Variants in JAKMIP2 observed in about 807,000 individuals in gnomAD.
The protein encoded by JAKMIP2 is janus kinase and microtubule-interacting protein 2.
JAKMIP2 carries 25 observed loss-of-function variants against 115.0 expected under a neutral mutation model. That is an observed-to-expected ratio of 0.22 (90% confidence interval 0.16 to 0.30). JAKMIP2 has a LOEUF of 0.30. Ranked by LOEUF, JAKMIP2 falls within the 10% of genes least tolerant of loss-of-function variation. The probability of loss-of-function intolerance (pLI) is 1.00; values close to 1 mark genes in which losing one functional copy is unlikely to be tolerated. For missense variants in JAKMIP2, 642 were observed against 957.6 expected, an observed-to-expected ratio of 0.67 and a Z score of 4.35; for synonymous variants, 334 against 343.6, an observed-to-expected ratio of 0.97 and a Z score of 0.31.
chr5:147,746,961 G>T (rs1382312786), intron 1 of JAKMIP2, among the ~76,000 whole-genome samples: 2 of 152,134 alleles, frequency 1.3e-5, no homozygotes, highest in Non-Finnish European at 2.9e-5. Context: ...TTTAAGGCAG[G>T]AGAGTGAATT....
In JAKMIP2 at chr5:147,725,147, C is replaced by T. The variant is rs117396718; in HGVS notation, c.-148-53193G>A. ...TTAGGATGCTAAGGGACACTCCCAC[C>T]GTGCCATGATAGTTCACAAATGTCA... On this transcript the variant is annotated intron_variant, in intron 1 of 21. Transcript: ENST00000616793. Among the ~76,000 whole-genome samples the T allele has an allele frequency of 7.6e-4, 116 of 152,152 alleles. 2 individuals carry two copies. In the East Asian group the frequency reaches 0.02, roughly 27 times the overall value.
At chr5:147,698,974 T>C (rs2099516210) in intron 1 of JAKMIP2, among the ~76,000 whole-genome samples, 1 of 152,164 alleles carries the variant, frequency 6.6e-6, no homozygotes, top group African/African-American at 2.4e-5. Context: ...TGAACCTCAT[T>C]TATCACAATC....
At chr5:147,757,658 G>A (rs772715097) in intron 1 of JAKMIP2, among the ~76,000 whole-genome samples, 4 of 152,008 alleles carry the variant, frequency 2.6e-5, no homozygotes, top group South Asian at 2.1e-4. Context: ...TTTCAGAGCC[G>A]CTGTGATAAT....
intron 21 of JAKMIP2, among the ~76,000 whole-genome samples, chr5:147,599,315 C>T (rs1755570698): frequency 6.6e-6 from 1 of 152,152 alleles, no homozygotes; most frequent in Non-Finnish European, 1.5e-5. Context: ...AATAGGAAAC[C>T]TAATCTTGGG....
intron 1 of JAKMIP2, among the ~76,000 whole-genome samples, chr5:147,702,443 A>C (rs1388917260): frequency 8.5e-6 from 1 of 117,858 alleles, no homozygotes. Context: ...GGAAGGTAGG[A>C]AGGAAGGAAG....
At chr5:147,750,885 A>G (rs1488788182) in intron 1 of JAKMIP2, among the ~76,000 whole-genome samples, 1 of 151,028 alleles carries the variant, frequency 6.6e-6, no homozygotes, top group African/African-American at 2.4e-5. Context: ...CCAACCCTGT[A>G]ATTACCTCGA....
intron 15 of JAKMIP2, among the ~76,000 whole-genome samples, chr5:147,629,208 G>A (rs796467458): frequency 2.0e-5 from 3 of 152,194 alleles, no homozygotes; most frequent in African/African-American, 7.2e-5. Context: ...CAACCTACAA[G>A]CACCAATCAC....
rs1022111279 is a variant in JAKMIP2 at position 147,588,358 on chromosome 5, G to A, written c.*3349C>T. The A allele has an allele frequency of 5.3e-5, 8 of 151,540 alleles. No homozygotes were observed. The highest frequency in any genetic ancestry group is 7.4e-5 in the Non-Finnish European group (5 of 67,972). The allele number at this position is 151,540 out of a possible 1,614,324, so 9.4% of individuals were successfully genotyped here. Reference sequence around the variant, plus strand: ...CAAACTCAGTAGCCAAATGCATCTCGGTAGTACAGATGCAGAAGTGGGGCC... The same window carrying A: ...CAAACTCAGTAGCCAAATGCATCTCAGTAGTACAGATGCAGAAGTGGGGCC... On this transcript the variant is annotated 3_prime_UTR_variant, in exon 22 of 22. Coordinates refer to ENST00000616793, the MANE Select transcript of JAKMIP2 (RefSeq NM_001270941.2).
chr5:147,616,073 C>A (rs1050358971), intron 19 of JAKMIP2, among the ~76,000 whole-genome samples: 1 of 152,040 alleles, frequency 6.6e-6, no homozygotes, highest in Non-Finnish European at 1.5e-5. Flanking sequence ...TATGGTAATT[C>A]TACTGACTAA....
At chr5:147,685,096 T>C (rs1252657976) in intron 1 of JAKMIP2, among the ~76,000 whole-genome samples, 2 of 152,138 alleles carry the variant, frequency 1.3e-5, no homozygotes, top group Non-Finnish European at 2.9e-5. Flanking sequence ...CTTGAGTTAA[T>C]AGGAGGTCAA....
intron 2 of JAKMIP2, 71 bp downstream of exon 2, chr5:147,671,607 G>T: frequency 7.9e-7 from 1 of 1,273,626 alleles, no homozygotes; most frequent in Non-Finnish European, 1.0e-6. Flanking sequence ...AGCAGGCAGA[G>T]CTGTGCTCGC....
intron 1 of JAKMIP2, among the ~76,000 whole-genome samples, chr5:147,728,034 A>G (rs776950972): frequency 6.6e-6 from 1 of 152,174 alleles, no homozygotes; most frequent in African/African-American, 2.4e-5. Context: ...ATCCCTCTTA[A>G]AATCTAAGGC....
chr5:147,689,996 C>T (rs1760753686), intron 1 of JAKMIP2, among the ~76,000 whole-genome samples: 2 of 152,074 alleles, frequency 1.3e-5, no homozygotes, highest in Non-Finnish European at 2.9e-5. Flanking sequence ...ACGATCTAGC[C>T]CACACCTGTG....
rs1312955161 is a variant in JAKMIP2 at position 147,764,916 on chromosome 5, AAGAAAG to A, written c.-149+17534_-149+17539del. Reference sequence around the variant, plus strand: ...AAAGAAAGAAAGAAAGAAAGAAAGAAAGAAAGAGAGAGAGAGAGAGAGAGAGAGAGG... The same window carrying A: ...AAAGAAAGAAAGAAAGAAAGAAAGAAAGAGAGAGAGAGAGAGAGAGAGAGG... On this transcript the variant is annotated intron_variant, in intron 1 of 21. Coordinates refer to ENST00000616793, the MANE Select transcript of JAKMIP2 (RefSeq NM_001270941.2). Among the ~76,000 whole-genome samples the A allele has an allele frequency of 3.0e-3, 255 of 84,420 alleles. 3 individuals are homozygous for A. Among genetic ancestry groups the A allele is most frequent in the Non-Finnish European group, 3.1e-3 (146 of 47,218 alleles). 55.4% of individuals were successfully genotyped at this position (84,420 alleles called of 152,430 possible). A position where few individuals can be genotyped will look rare whatever the true frequency, so the allele number is the denominator to read the frequency against.
rs1759682976 is a variant in JAKMIP2 at position 147,672,681 on chromosome 5, C to T, written c.-148-727G>A. ...TTCAGAAGTATAAACAGTAAACTGT[C>T]TTTCCACCTGGGTTGAATAAGAAAG... On this transcript the variant is annotated intron_variant, in intron 1 of 21. Coordinates refer to ENST00000616793, the MANE Select transcript of JAKMIP2 (RefSeq NM_001270941.2). Among the ~76,000 whole-genome samples, 3 of 152,174 alleles carry T rather than the reference C, an allele frequency of 2.0e-5. No individual in the cohort carries two copies. In the South Asian group the frequency reaches 6.2e-4, roughly 32 times the overall value.
Position 147,588,641 on chromosome 5 carries a change from A to T in JAKMIP2, c.*3066T>A, listed in dbSNP as rs1754975313. 1 of 152,182 alleles carries T rather than the reference A, an allele frequency of 6.6e-6. No homozygotes were observed. Among genetic ancestry groups the T allele is most frequent in the Non-Finnish European group, 1.5e-5 (1 of 68,026 alleles). 9.4% of individuals were successfully genotyped at this position (152,182 alleles called of 1,614,324 possible). A position where few individuals can be genotyped will look rare whatever the true frequency, so the allele number is the denominator to read the frequency against. On this transcript the variant is annotated 3_prime_UTR_variant, in exon 22 of 22. Coordinates refer to ENST00000616793, the MANE Select transcript of JAKMIP2 (RefSeq NM_001270941.2). ...ATGAGCAAGAGTTGGTAAAAATTAC[A>T]GTTCAGTCTATAGTCTTGAGAAATT...
At chr5:147,600,805 A>G (rs759568716) in intron 21 of JAKMIP2, among the ~76,000 whole-genome samples, 1 of 152,104 alleles carries the variant, frequency 6.6e-6, no homozygotes, top group Non-Finnish European at 1.5e-5. Context: ...AATCACTAAG[A>G]TTATTTATGC....
chr5:147,734,009 T>C (rs997734767), intron 1 of JAKMIP2, among the ~76,000 whole-genome samples: 3 of 152,170 alleles, frequency 2.0e-5, no homozygotes, highest in African/African-American at 4.8e-5. Flanking sequence ...TCAAATGGTA[T>C]ATCTGGCTCT....
At chr5:147,597,280 CA>C (rs2126567059) in intron 21 of JAKMIP2, among the ~76,000 whole-genome samples, 1 of 152,188 alleles carries the variant, frequency 6.6e-6, no homozygotes, top group East Asian at 1.9e-4. Context: ...CACGTTTTAA[CA>C]AATAATACAG....
Sources: gnomAD v4.1 joint callset for allele counts (sites outside exome capture counted in the v4.1 genomes callset) on GRCh38, gnomAD v4.1.1 for gene constraint, MANE v1.5 for transcripts, NCBI Gene and HGNC (gene_info 2026-07-23, HGNC 2026-07-21) for gene names.